The following CIT variants were observed in gnomAD, a reference collection of about 807,000 sequenced individuals.
CIT encodes the protein citron Rho-interacting kinase.
In CIT, 79 loss-of-function variants were observed where a neutral mutation model predicts 272.7. The observed-to-expected ratio is 0.29, with a 90% CI of 0.24 to 0.35. CIT has a LOEUF of 0.35. CIT is among the 10% of genes least tolerant of loss of function. The pLI, the probability that CIT is intolerant of heterozygous loss-of-function variation, is 1.00. For missense variants in CIT, 1,909 were observed against 2,618.3 expected (o/e 0.73, Z 5.91); for synonymous variants, 948 against 995.6 (o/e 0.95, Z 0.90).
intron 7 of CIT, among the ~76,000 whole-genome samples, chr12:119,830,447 G>C (rs1379354432): frequency 2.0e-5 from 3 of 151,826 alleles, no homozygotes; most frequent in Non-Finnish European, 4.4e-5. Flanking sequence ...CACAGAGATA[G>C]GGTCTTATTC....
rs1403279925 is a variant in CIT, at chr12:119,784,153, G to C, written c.1402-102C>G. ...AAACCACCTGGTGGTCTGGGCTAAG[G>C]CTAATTCGCCAAAAGTTAAGTTGGG... On this transcript the variant is annotated intron_variant, in intron 11 of 47. Coordinates refer to ENST00000392521, the MANE Select transcript of CIT (RefSeq NM_001206999.2). This position sits in a 1 kb window ranked among gnomAD's most constrained non-coding sequence, Gnocchi z 4.7. 6.2e-7 allele frequency: 1 copy of C among 1,611,222 alleles called. No homozygotes were observed. The highest frequency in any genetic ancestry group is 1.3e-5 in the African/African-American group (1 of 74,876).
At chr12:119,833,935 T>G in intron 6 of CIT, 151 bp downstream of exon 6, 1 of 722,256 alleles carries the variant, frequency 1.4e-6, no homozygotes, top group East Asian at 2.8e-5. Flanking sequence ...CTTGGAAAGT[T>G]TGCTTTCAGC....
chr12:119,790,811 G>GTGA (rs1452946222), intron 10 of CIT, among the ~76,000 whole-genome samples: 1 of 152,094 alleles, frequency 6.6e-6, no homozygotes, highest in African/African-American at 2.4e-5. Context: ...GAATTATCCA[G>GTGA]CCCAAAATGT....
intron 17 of CIT, 96 bp downstream of exon 17, chr12:119,772,674 G>C: frequency 7.4e-7 from 1 of 1,354,092 alleles, no homozygotes; most frequent in South Asian, 1.7e-5. Flanking sequence ...AGCAGCTTTG[G>C]TCAAACATAA....
intron 6 of CIT, among the ~76,000 whole-genome samples, chr12:119,833,429 G>A (rs1364425166): frequency 6.6e-6 from 1 of 152,086 alleles, no homozygotes; most frequent in East Asian, 1.9e-4. Context: ...CAATTTGGGA[G>A]GACAAGGTGG....
intron 40 of CIT, among the ~76,000 whole-genome samples, 163 bp downstream of exon 40, chr12:119,708,016 A>G (rs181977752): frequency 4.0e-5 from 6 of 151,840 alleles, no homozygotes; most frequent in Admixed American, 2.6e-4. Context: ...TCCCATTGCA[A>G]AGCCCTGTTC....
intron 44 of CIT, among the ~76,000 whole-genome samples, chr12:119,699,230 T>C (rs1593383597): frequency 1.7e-5 from 2 of 118,936 alleles, no homozygotes; most frequent in Non-Finnish European, 3.3e-5. Flanking sequence ...CCCTACAGCC[T>C]GGGCAACAAG....
At chr12:119,790,209 C>T (rs943122387) in intron 10 of CIT, among the ~76,000 whole-genome samples, 14 of 151,934 alleles carry the variant, frequency 9.2e-5, no homozygotes, top group African/African-American at 2.9e-4. Flanking sequence ...ATATTACATA[C>T]ATATTATCAC....
chr12:119,814,555 G>A (rs1966964361), intron 9 of CIT, among the ~76,000 whole-genome samples: 1 of 151,984 alleles, frequency 6.6e-6, no homozygotes, highest in South Asian at 2.1e-4. Flanking sequence ...ACTTCCTCCT[G>A]CCCCTGAAGT....
rs1264279108 is a variant in CIT, at chr12:119,694,522, G to A, written c.5882+3137C>T. On this transcript the variant is annotated intron_variant, in intron 46 of 47. Coordinates refer to ENST00000392521, the MANE Select transcript of CIT (RefSeq NM_001206999.2). The surrounding 1 kb of genome is among the most constrained non-coding windows in gnomAD (Gnocchi z 4.5). ...GCCACTTGTATTAAAAAGGAGGGGT[G>A]GTTGCGTGTAGTGGCTCACACCTGT... Among the ~76,000 whole-genome samples the A allele has an allele frequency of 6.6e-6, 1 of 152,186 alleles. No homozygotes were observed. The highest frequency in any genetic ancestry group is 1.5e-5 in the Non-Finnish European group (1 of 68,042).
intron 12 of CIT, chr12:119,783,574 A>G (rs1964498960): frequency 5.5e-6 from 1 of 182,000 alleles, no homozygotes; most frequent in African/African-American, 2.3e-5. Context: ...AAGGCTGCTC[A>G]TGTCAGACAC....
rs186848740 is a variant in CIT, at chr12:119,876,202, T to C, written c.-13-21A>G. 169 of 1,495,876 alleles carry C rather than the reference T, an allele frequency of 1.1e-4. No individual in the cohort carries two copies. In the Admixed American group the frequency reaches 2.8e-3, roughly 25 times the overall value. The allele number at this position is 1,495,876 out of a possible 1,614,324, so 92.7% of individuals were successfully genotyped here. ...TGGCGCTGAAAGGATATCAGAAAAG[T>C]CAAGTGTGTCCTATGTTTTGAGCAG... On this transcript the variant is annotated intron_variant, in intron 1 of 47. Coordinates refer to ENST00000392521, the MANE Select transcript of CIT (RefSeq NM_001206999.2).
chr12:119,705,146 C>G (rs538533981), intron 40 of CIT, among the ~76,000 whole-genome samples: 1 of 152,174 alleles, frequency 6.6e-6, no homozygotes, highest in Non-Finnish European at 1.5e-5. Context: ...CTCCTGGCCT[C>G]AAGTGATCCG....
chr12:119,854,938 G>A (rs575278737), intron 4 of CIT, among the ~76,000 whole-genome samples: 1 of 151,888 alleles, frequency 6.6e-6, no homozygotes, highest in Non-Finnish European at 1.5e-5. Flanking sequence ...GCAACAGAAT[G>A]AGACTCATTC....
chr12:119,721,815 A>G (rs1565940990), intron 28 of CIT, among the ~76,000 whole-genome samples: 1 of 152,230 alleles, frequency 6.6e-6, no homozygotes, highest in Admixed American at 6.5e-5. Flanking sequence ...ACTCAGTGCC[A>G]TGACAACTAA....
In CIT at chr12:119,726,139, T is replaced by G. The variant is rs1462580785; in HGVS notation, c.3591+2363A>C. ...AAGTGTATAGTTCAGTGGCATTAAG[T>G]ACACTCATGTTATTGTGTAACCACC... On this transcript the variant is annotated intron_variant, in intron 28 of 47. Transcript: ENST00000392521. 2.0e-5 allele frequency among the ~76,000 whole-genome samples: 3 copies of G among 152,282 alleles called. No individual in the cohort carries two copies. The South Asian group carries it at 6.2e-4, about 32-fold the overall frequency.
In CIT at chr12:119,690,100, G is replaced by A; in HGVS notation, c.6186+51C>T. 1 of 1,414,604 alleles carries A rather than the reference G, an allele frequency of 7.1e-7. No individual in the cohort carries two copies. Among genetic ancestry groups the A allele is most frequent in the Admixed American group, 3.0e-5 (1 of 33,538 alleles). 87.6% of individuals were successfully genotyped at this position (1,414,604 alleles called of 1,614,324 possible). ...CCCCGTGGGGGCCTCAGTTCCCCAA[G>A]TCACTCCTGGCCTCCGCAACAGACA... is the stretch of plus-strand genomic sequence containing the variant. On this transcript the variant is annotated intron_variant, in intron 47 of 47. Transcript: ENST00000392521. This position sits in a 1 kb window ranked among gnomAD's most constrained non-coding sequence, Gnocchi z 6.0.
chr12:119,838,684 C>A (rs1969195118), intron 5 of CIT, among the ~76,000 whole-genome samples: 1 of 152,178 alleles, frequency 6.6e-6, no homozygotes, highest in African/African-American at 2.4e-5. Context: ...ATAGCCATCA[C>A]CTCTGCTGCT....
chr12:119,872,903 GC>G (rs552071969), intron 2 of CIT, among the ~76,000 whole-genome samples: 1,646 of 152,150 alleles, frequency 0.011, 20 homozygotes, highest in Non-Finnish European at 0.016. Context: ...CCCCAGAGAT[GC>G]CCCCACCTCA....
Sources: allele counts gnomAD v4.1 joint callset (sites outside exome capture counted in the v4.1 genomes callset), GRCh38; gene constraint gnomAD v4.1.1; non-coding constraint Gnocchi (gnomAD v3.1); transcripts MANE v1.5; gene names NCBI Gene and HGNC (gene_info 2026-07-23, HGNC 2026-07-21).